The following ZNF536 variants were observed in gnomAD, a reference collection of about 807,000 sequenced individuals.
The protein encoded by ZNF536 is zinc finger protein 536.
Under a neutral mutation model 84.5 loss-of-function variants are expected in ZNF536, and 13 were observed. The observed-to-expected ratio is 0.15, with a 90% CI of 0.10 to 0.24. The LOEUF (loss-of-function observed/expected upper bound fraction) is 0.24, where lower values mean the gene tolerates loss of function less well. Ranked by LOEUF, ZNF536 falls within the 10% of genes least tolerant of loss-of-function variation. The pLI is 1.00. For synonymous variants in ZNF536, 811 were observed against 742.5 expected (o/e 1.09, Z -1.50); for missense variants, 1,536 against 1,747.5 (o/e 0.88, Z 2.16).
chr19:30,550,636 G>A (rs1456480433), intron 4 of ZNF536, among the ~76,000 whole-genome samples: 2 of 152,046 alleles, frequency 1.3e-5, no homozygotes, highest in African/African-American at 4.8e-5. Context: ...GAAAGAAAAG[G>A]GAAGGAAGGG....
intron 2 of ZNF536, among the ~76,000 whole-genome samples, chr19:30,287,566 G>T (rs549016662): frequency 3.1e-4 from 40 of 130,012 alleles, no homozygotes; most frequent in Non-Finnish European, 3.8e-4. Context: ...AGATGAATGG[G>T]TATATGGATG....
At chr19:30,503,400 T>C (rs1375592670) in intron 2 of ZNF536, among the ~76,000 whole-genome samples, 2 of 152,230 alleles carry the variant, frequency 1.3e-5, no homozygotes, top group Non-Finnish European at 2.9e-5. Context: ...CAAAGAACAG[T>C]AATGGAAATC....
chr19:30,352,972 G>C (rs887320107), intron 3 of ZNF536, among the ~76,000 whole-genome samples: 4 of 152,208 alleles, frequency 2.6e-5, no homozygotes, highest in African/African-American at 9.6e-5. Flanking sequence ...CCAAGCTGAA[G>C]TCATAAATTA....
rs954685602 is a variant in ZNF536, at chr19:30,403,849, T to G, written c.-3+31293T>G. Among the ~76,000 whole-genome samples the G allele has an allele frequency of 3.9e-5, 6 of 152,128 alleles. No individual in the cohort carries two copies. In the East Asian group the frequency reaches 7.7e-4, roughly 20 times the overall value. On this transcript the variant is annotated intron_variant, in intron 1 of 4. Transcript: ENST00000355537. ...CAGGCTTTTGATGGGAGGCTGCTGTTGCCTTCAGGGATGGGATGGTCACAT... is the reference window on the plus strand; with the variant it reads ...CAGGCTTTTGATGGGAGGCTGCTGTGGCCTTCAGGGATGGGATGGTCACAT...
chr19:30,570,818 C>T lies in ZNF536; in HGVS notation c.169+21304C>T, dbSNP rs561145587. On this transcript the variant is annotated intron_variant, in intron 1 of 1. Transcript: ENST00000592773. ...AAACATGGAGTCTCTAATAAATTGG[C>T]CATGAAAATAGCGTTCGCTGCTGAT... 2.2e-4 allele frequency among the ~76,000 whole-genome samples: 34 copies of T among 152,282 alleles called. No homozygotes were observed. The South Asian group carries it at 5.4e-3, about 24-fold the overall frequency.
At chr19:30,545,467 G>A (rs982783771) in intron 3 of ZNF536, among the ~76,000 whole-genome samples, 3 of 133,558 alleles carry the variant, frequency 2.2e-5, no homozygotes, top group South Asian at 2.4e-4. Flanking sequence ...GCGCCATCTC[G>A]GCTCACTGCA....
chr19:30,506,651 G>A (rs544783683), intron 2 of ZNF536, among the ~76,000 whole-genome samples: 5 of 152,296 alleles, frequency 3.3e-5, no homozygotes, highest in South Asian at 4.1e-4. Context: ...GTGCATGTGC[G>A]CTGGACCCAT....
chr19:30,476,974 A>C (rs1294400584), intron 2 of ZNF536, among the ~76,000 whole-genome samples: 11 of 151,182 alleles, frequency 7.3e-5, no homozygotes, highest in Admixed American at 7.2e-4. Context: ...TTTTTAATAG[A>C]GATGGGGTCT....
At chr19:30,317,445 C>G (rs2046717799) in intron 2 of ZNF536, among the ~76,000 whole-genome samples, 1 of 152,198 alleles carries the variant, frequency 6.6e-6, no homozygotes, top group African/African-American at 2.4e-5. Flanking sequence ...GCACCTACAC[C>G]CTGGTTTTAC....
chr19:30,524,640 A>T (rs1281467034), intron 2 of ZNF536, among the ~76,000 whole-genome samples: 1 of 152,220 alleles, frequency 6.6e-6, no homozygotes, highest in Non-Finnish European at 1.5e-5. Flanking sequence ...AGATTGGTCC[A>T]GTTTGTTCCT....
chr19:30,692,548 C>G (rs185878955), intron 1 of ZNF536, among the ~76,000 whole-genome samples: 1 of 152,342 alleles, frequency 6.6e-6, no homozygotes, highest in East Asian at 1.9e-4. Flanking sequence ...GGGGAAATCT[C>G]AAATTTTCCT....
rs768510050 is a variant in ZNF536, at chr19:30,472,119, A to G, written c.2170+26387A>G. Among the ~76,000 whole-genome samples the G allele has an allele frequency of 4.1e-4, 63 of 152,336 alleles. No homozygotes were observed. In the Middle Eastern group the frequency reaches 0.01, roughly 25 times the overall value. On this transcript the variant is annotated intron_variant, in intron 2 of 4. Transcript: ENST00000355537. ...CAGAGTCCTCACGATAGCAGGGAGA[A>G]GAGTGTAGGGAGAAGAGTGTACAGC...
chr19:30,618,085 TAA>T lies in ZNF536; in HGVS notation c.169+68573_169+68574del, dbSNP rs775055025. 9.2e-5 allele frequency among the ~76,000 whole-genome samples: 14 copies of T among 152,370 alleles called. No individual in the cohort carries two copies. The East Asian group carries it at 2.3e-3, about 25-fold the overall frequency. ...TTTAAGTACTTGATTAGCGATGAGT[TAA>T]AGTCTCACTATTTTGTTTTGGTGAT... is the stretch of plus-strand genomic sequence containing the variant. On this transcript the variant is annotated intron_variant, in intron 1 of 1. Transcript: ENST00000592773.
intron 1 of ZNF536, among the ~76,000 whole-genome samples, chr19:30,269,236 G>A (rs561426256): frequency 6.6e-6 from 1 of 152,298 alleles, no homozygotes; most frequent in South Asian, 2.1e-4. Context: ...AGGCCGCCCT[G>A]CACAGATCTG....
chr19:30,392,343 C>A lies in ZNF536; in HGVS notation c.-3+19787C>A, dbSNP rs1038102207. Among the ~76,000 whole-genome samples the A allele has an allele frequency of 2.0e-5, 3 of 152,196 alleles. No homozygotes were observed. The South Asian group carries it at 6.2e-4, about 32-fold the overall frequency. On this transcript the variant is annotated intron_variant, in intron 1 of 4. Transcript: ENST00000355537. The stretch of plus-strand genomic sequence containing the variant: ...AATATGAAGGGAGGTTAGGAGCAGC[C>A]GCCAAAGGGATTCCATTAAGGAGAC...
At chr19:30,283,311 G>C (rs1204932209) in intron 1 of ZNF536, among the ~76,000 whole-genome samples, 1 of 152,176 alleles carries the variant, frequency 6.6e-6, no homozygotes, top group Non-Finnish European at 1.5e-5. Context: ...CAGGCTGGGG[G>C]CTGGCCTTCC....
At chr19:30,381,682 A>T (rs1054863786) in intron 1 of ZNF536, among the ~76,000 whole-genome samples, 1 of 152,180 alleles carries the variant, frequency 6.6e-6, no homozygotes, top group Non-Finnish European at 1.5e-5. Context: ...CAAGGGGCTA[A>T]TTCCAAGGGC....
At chr19:30,271,587 C>A (rs924265779) in intron 1 of ZNF536, among the ~76,000 whole-genome samples, 2 of 152,118 alleles carry the variant, frequency 1.3e-5, no homozygotes, top group Non-Finnish European at 2.9e-5. Flanking sequence ...ACCATTCTCT[C>A]GCCATGTTCC....
intron 1 of ZNF536, among the ~76,000 whole-genome samples, chr19:30,409,661 C>T (rs1434638575): frequency 6.6e-6 from 1 of 152,228 alleles, no homozygotes; most frequent in African/African-American, 2.4e-5. Flanking sequence ...GCCCTTCAGG[C>T]ATGTTATGTC....
Sources: gnomAD v4.1 joint callset for allele counts (sites outside exome capture counted in the v4.1 genomes callset) on GRCh38, gnomAD v4.1.1 for gene constraint, MANE v1.5 for transcripts, NCBI Gene and HGNC (gene_info 2026-07-23, HGNC 2026-07-21) for gene names.